The following TRIM9 variants were observed in gnomAD, a reference collection of about 807,000 sequenced individuals.
TRIM9 encodes E3 ubiquitin-protein ligase TRIM9.
In TRIM9, 26 loss-of-function variants were observed where a neutral mutation model predicts 78.3. The observed-to-expected ratio is 0.33, with a 90% CI of 0.24 to 0.46. The LOEUF is 0.46. TRIM9 is among the 20% of genes least tolerant of loss of function. The pLI is 1.00. For missense variants in TRIM9, 787 were observed against 1,036.4 expected (o/e 0.76, Z 3.30); for synonymous variants, 398 against 416.5 (o/e 0.96, Z 0.54).
chr14:51,029,784 A>C (rs554937647), intron 1 of TRIM9, among the ~76,000 whole-genome samples: 1 of 152,260 alleles, frequency 6.6e-6, no homozygotes, highest in African/African-American at 2.4e-5. Flanking sequence ...CCCTGAGTGA[A>C]GGTTTCACCA....
chr14:51,072,315 A>G (rs1308285770), intron 1 of TRIM9, among the ~76,000 whole-genome samples: 1 of 152,202 alleles, frequency 6.6e-6, no homozygotes, highest in Non-Finnish European at 1.5e-5. Context: ...TTATGCTTCT[A>G]TGAAAATCCA....
chr14:51,000,880 G>A, intron 5 of TRIM9, 40 bp from the exon 6 acceptor site: 1 of 1,610,302 alleles, frequency 6.2e-7, no homozygotes, highest in Non-Finnish European at 8.5e-7. Flanking sequence ...CTGTTAAGCT[G>A]CAGATATTCC....
intron 1 of TRIM9, among the ~76,000 whole-genome samples, chr14:51,053,378 A>G (rs926063509): frequency 7.9e-5 from 12 of 151,758 alleles, no homozygotes; most frequent in Non-Finnish European, 1.2e-4. Flanking sequence ...GTGCACACTC[A>G]TGATAGGAGA....
Position 50,982,052 on chromosome 14 carries a change from G to T in TRIM9, c.1910C>A (p.Ser637Tyr). 6.2e-7 allele frequency: 1 copy of T among 1,614,180 alleles called. No homozygotes were observed. Among genetic ancestry groups the T allele is most frequent in the Non-Finnish European group, 8.5e-7 (1 of 1,180,032 alleles). ...PGSAHSDIIL[S>Y]NDNLTVTCSS... ...ACAGGTCACTGTCAGGTTGTCATTG[G>T]AGAGGATGATGTCCGAGTGCGCCGA... is the stretch of plus-strand genomic sequence containing the variant. Residue 637 changes from serine to tyrosine, a missense_variant, in exon 11 of 13, where the codon TCC becomes TAC. Physicochemically the swap from Ser to Tyr is moderately radical, Grantham distance 144. Around this residue, in one of 3 missense-constraint regions of TRIM9, gnomAD observed 421 missense variants for 514.3 expected, o/e 0.82. Coordinates refer to ENST00000684578, the MANE Select transcript of TRIM9 (RefSeq NM_001387360.1).
intron 1 of TRIM9, among the ~76,000 whole-genome samples, chr14:51,075,242 C>T (rs1169229042): frequency 6.6e-6 from 1 of 152,192 alleles, no homozygotes; most frequent in African/African-American, 2.4e-5. Context: ...TATTTAGCCA[C>T]TGCTATTCTA....
chr14:51,031,123 G>C (rs1326464582), intron 1 of TRIM9, among the ~76,000 whole-genome samples: 1 of 141,918 alleles, frequency 7.0e-6, no homozygotes, highest in East Asian at 2.0e-4. Context: ...ACTCCAGCCT[G>C]GGCAACAAGA....
At chr14:51,044,498 G>T (rs2059798044) in intron 1 of TRIM9, among the ~76,000 whole-genome samples, 1 of 152,172 alleles carries the variant, frequency 6.6e-6, no homozygotes, top group Admixed American at 6.5e-5. Flanking sequence ...GGGTGGTGTT[G>T]GTGCCATTTT....
intron 2 of TRIM9, among the ~76,000 whole-genome samples, chr14:51,023,491 G>GA (rs1181823869): frequency 3.9e-5 from 6 of 152,186 alleles, no homozygotes; most frequent in African/African-American, 7.2e-5. Flanking sequence ...ATAGTAGGCA[G>GA]AAAAAAACAA....
At chr14:51,091,673 A>G (rs1249071328) in intron 1 of TRIM9, among the ~76,000 whole-genome samples, 2 of 152,020 alleles carry the variant, frequency 1.3e-5, no homozygotes, top group Non-Finnish European at 1.5e-5. Context: ...CTTCTGTCTT[A>G]TTTTTTTTCT....
At chr14:51,092,609 T>C (rs550353491) in intron 1 of TRIM9, among the ~76,000 whole-genome samples, 140 of 152,284 alleles carry the variant, frequency 9.2e-4, no homozygotes, top group African/African-American at 3.2e-3. Flanking sequence ...CCAACCATCC[T>C]GAATCCCTGC....
chr14:51,066,216 C>T (rs1282680142), intron 1 of TRIM9, among the ~76,000 whole-genome samples: 1 of 152,140 alleles, frequency 6.6e-6, no homozygotes, highest in Non-Finnish European at 1.5e-5. Flanking sequence ...ACCTTTAAAG[C>T]CCTGACTAAA....
intron 1 of TRIM9, among the ~76,000 whole-genome samples, chr14:51,071,387 G>GAAAAAAAAAAAAAAAAAAAAAAAAAA (rs56726763): frequency 8.6e-6 from 1 of 115,872 alleles, no homozygotes; most frequent in African/African-American, 3.2e-5. Flanking sequence ...AAAAAAAAAA[G>GAAAAAAAAAAAAAAAAAAAAAAAAAA]AAAAAAAAAA....
At chr14:51,093,053 G>C (rs12432414) in intron 1 of TRIM9, among the ~76,000 whole-genome samples, 30,669 of 152,000 alleles carry the variant, frequency 0.2, 3,397 homozygotes, top group Admixed American at 0.31. Context: ...TTGAGGAACA[G>C]TAAGAAGCAG....
intron 3 of TRIM9, among the ~76,000 whole-genome samples, chr14:51,011,297 T>A (rs2056551153): frequency 6.6e-6 from 1 of 152,180 alleles, no homozygotes; most frequent in African/African-American, 2.4e-5. Context: ...GAACAGTTTT[T>A]TTCTTCAGAG....
intron 5 of TRIM9, among the ~76,000 whole-genome samples, chr14:51,003,300 C>G (rs894479653): frequency 2.0e-4 from 30 of 152,006 alleles, no homozygotes; most frequent in African/African-American, 6.5e-4. Context: ...TGATTCCCCC[C>G]GGGGGGTATT....
intron 1 of TRIM9, among the ~76,000 whole-genome samples, chr14:51,051,335 G>A (rs999795354): frequency 6.6e-6 from 1 of 152,174 alleles, no homozygotes; most frequent in Non-Finnish European, 1.5e-5. Flanking sequence ...GAAGAGATGA[G>A]ACAAAGAAGC....
At position 50,996,486 on chromosome 14, in the gene TRIM9, T is replaced by C. The variant is rs185206391; in HGVS notation, c.1603+1564A>G. On this transcript the variant is annotated intron_variant, in intron 7 of 12. Transcript: ENST00000684578. The stretch of plus-strand genomic sequence containing the variant: ...GAATAGTATGATTCCCATGATGTAT[T>C]ATGAATAGAAATAGTTTTCCCGCAG... 1.3e-4 allele frequency: 131 copies of C among 985,448 alleles called. No homozygotes were observed. In the Middle Eastern group the frequency reaches 2.1e-3, roughly 16 times the overall value. 61.0% of individuals were successfully genotyped at this position (985,448 alleles called of 1,614,324 possible).
intron 7 of TRIM9, chr14:50,996,604 A>G (rs10483607): frequency 0.04 from 39,575 of 985,358 alleles, 1,341 homozygotes; most frequent in East Asian, 0.15. Context: ...TTGTACACAC[A>G]TGGGAAATGA....
intron 3 of TRIM9, among the ~76,000 whole-genome samples, chr14:51,019,803 A>T (rs1376797379): frequency 1.3e-5 from 2 of 152,218 alleles, no homozygotes; most frequent in African/African-American, 4.8e-5. Context: ...CTTGCTCAAG[A>T]TGAGAAACCT....
Sources: gnomAD v4.1 joint callset for allele counts (sites outside exome capture counted in the v4.1 genomes callset) on GRCh38, gnomAD v4.1.1 for gene constraint, gnomAD v4.1.1 regional missense constraint, MANE v1.5 for transcripts, NCBI Gene and HGNC (gene_info 2026-07-23, HGNC 2026-07-21) for gene names.